COP1: variants seen among roughly 807,000 people sequenced by gnomAD.
COP1 encodes the protein COP1 E3 ubiquitin ligase.
COP1 carries 24 observed loss-of-function variants against 101.3 expected under a neutral mutation model. The observed-to-expected ratio is 0.24, with a 90% CI of 0.17 to 0.33. The LOEUF is 0.33. Among genes scored for constraint, COP1 ranks in the 10% least tolerant of loss-of-function variants. COP1 has a pLI of 1.00. For synonymous variants in COP1, 347 were observed against 341.9 expected (o/e 1.01, Z -0.17); for missense variants, 663 against 906.2 (o/e 0.73, Z 3.45).
At chr1:176,007,945 C>T (rs567814059) in intron 15 of COP1, among the ~76,000 whole-genome samples, 2 of 152,190 alleles carry the variant, frequency 1.3e-5, no homozygotes, top group South Asian at 4.1e-4. Flanking sequence ...CCCCCAGCCT[C>T]GCTGCCGCCT....
chr1:176,165,395 T>TGGGG (rs1553302025), intron 3 of COP1, among the ~76,000 whole-genome samples: 1 of 142,612 alleles, frequency 7.0e-6, no homozygotes, highest in Admixed American at 7.0e-5. Context: ...TGTGTGTGTG[T>TGGGG]GTGTGTGTGT....
At chr1:175,965,649 T>C (rs4361950) in intron 18 of COP1, among the ~76,000 whole-genome samples, 149,796 of 152,064 alleles carry the variant, frequency 0.99, 73,831 homozygotes, top group East Asian at 1. Flanking sequence ...ACTGCAGTGG[T>C]GCAGTCTCGG....
At chr1:176,012,206 T>C (rs774996260) in intron 15 of COP1, among the ~76,000 whole-genome samples, 1 of 152,192 alleles carries the variant, frequency 6.6e-6, no homozygotes, top group Non-Finnish European at 1.5e-5. Context: ...CAATAATGGC[T>C]CACTGCAGCC....
chr1:176,206,837 C>G lies in COP1; in HGVS notation c.142G>C (p.Val48Leu). 1.4e-6 allele frequency: 2 copies of G among 1,423,382 alleles called. No homozygotes were observed. Among genetic ancestry groups the G allele is most frequent in the South Asian group, 2.9e-5 (2 of 70,114 alleles). 88.2% of individuals were successfully genotyped at this position (1,423,382 alleles called of 1,614,324 possible). The part of the protein sequence containing the change: ...PSVAVSAAAL[V>L]SGGVAQAAGS... Reference sequence around the variant, plus strand: ...GCGGCCTGGGCCACCCCGCCGGACACCAGCGCTGCCGCCGAAACCGCCACG... The same window carrying G: ...GCGGCCTGGGCCACCCCGCCGGACAGCAGCGCTGCCGCCGAAACCGCCACG... Residue 48 changes from valine (V) to leucine (L), a missense_variant, in exon 1 of 20, where the codon GTG (valine) becomes CTG (leucine). Transcript: ENST00000367669.
In COP1 at chr1:175,944,952, T is replaced by C; in HGVS notation, c.*201A>G. 1 of 548,206 alleles carries C rather than the reference T, an allele frequency of 1.8e-6. No individual in the cohort carries two copies. The highest frequency in any genetic ancestry group is 3.2e-6 in the Non-Finnish European group (1 of 311,824). The allele number at this position is 548,206 out of a possible 1,614,324, so 34.0% of individuals were successfully genotyped here. On this transcript the variant is annotated 3_prime_UTR_variant, in exon 20 of 20. Coordinates refer to ENST00000367669, the MANE Select transcript of COP1 (RefSeq NM_022457.7). ...AATGTCCATGGAGTTACATTGATGG[T>C]GGAGAGTTGGCTGGGTATTCCCAAT...
At chr1:176,186,861 T>C (rs945187178) in intron 1 of COP1, among the ~76,000 whole-genome samples, 7 of 152,188 alleles carry the variant, frequency 4.6e-5, no homozygotes, top group Non-Finnish European at 1.0e-4. Context: ...GGTTTGCTGA[T>C]AGATGTTGGG....
chr1:176,193,873 A>G (rs1215998862), intron 1 of COP1, among the ~76,000 whole-genome samples: 1 of 152,210 alleles, frequency 6.6e-6, no homozygotes, highest in South Asian at 2.1e-4. Context: ...GACAGTGGTG[A>G]TGGTTGTGAA....
At chr1:176,038,676 C>A (rs563568939) in intron 14 of COP1, among the ~76,000 whole-genome samples, 20 of 151,968 alleles carry the variant, frequency 1.3e-4, no homozygotes, top group African/African-American at 3.9e-4. Context: ...AAATCAGCCA[C>A]GTGTGGTGGC....
At chr1:175,982,088 T>C (rs577765347) in intron 18 of COP1, among the ~76,000 whole-genome samples, 1 of 152,246 alleles carries the variant, frequency 6.6e-6, no homozygotes, top group South Asian at 2.1e-4. Flanking sequence ...TGTAAATCAG[T>C]ACAGCTTTTA....
chr1:176,133,186 ACGTACGTATATG>A (rs1689202059), intron 8 of COP1, among the ~76,000 whole-genome samples: 1 of 130,762 alleles, frequency 7.6e-6, no homozygotes, highest in Non-Finnish European at 1.8e-5. Context: ...ATACGTATAT[ACGTACGTATATG>A]TACGTATGTA....
chr1:176,010,447 T>C (rs1219462314), intron 15 of COP1, among the ~76,000 whole-genome samples: 2 of 152,244 alleles, frequency 1.3e-5, no homozygotes, highest in African/African-American at 4.8e-5. Flanking sequence ...TGGCCTATTA[T>C]ATAAAACAAT....
At chr1:176,069,229 C>T (rs1676557310) in intron 11 of COP1, among the ~76,000 whole-genome samples, 1 of 151,896 alleles carries the variant, frequency 6.6e-6, no homozygotes, top group Non-Finnish European at 1.5e-5. Context: ...ATATGTAATA[C>T]AGTAATACGT....
chr1:175,965,567 G>T (rs949834736), intron 18 of COP1, among the ~76,000 whole-genome samples: 3 of 118,870 alleles, frequency 2.5e-5, no homozygotes, highest in Non-Finnish European at 3.5e-5. Context: ...ACTTATCTGG[G>T]TTTTTTTTTT....
intron 5 of COP1, among the ~76,000 whole-genome samples, chr1:176,161,878 C>T (rs1694381318): frequency 6.6e-6 from 1 of 152,172 alleles, no homozygotes; most frequent in Non-Finnish European, 1.5e-5. Context: ...AGATCCCCAC[C>T]ACAGTCAGTG....
intron 1 of COP1, among the ~76,000 whole-genome samples, chr1:176,205,329 T>C (rs563484194): frequency 1.1e-4 from 16 of 152,322 alleles, no homozygotes; most frequent in African/African-American, 3.8e-4. Context: ...AAAAACAGAT[T>C]AATTCTGATA....
At chr1:176,119,582 T>G (rs1025987058) in intron 8 of COP1, among the ~76,000 whole-genome samples, 1 of 152,032 alleles carries the variant, frequency 6.6e-6, no homozygotes, top group Admixed American at 6.6e-5. Context: ...CAGGCTACAA[T>G]AGAAAAATTT....
Position 176,206,811 on chromosome 1 carries a change from G to A in COP1, c.168C>T (p.Ala56=), listed in dbSNP as rs1700911985. Residue 56 remains alanine, a synonymous_variant, in exon 1 of 20, where the codon GCC becomes GCT. Transcript: ENST00000367669. ...ALVSGGVAQA[A]GSGGLGGPVR... The stretch of plus-strand genomic sequence containing the variant: ...CCGGGCCCCCGAGGCCGCCCGAGCC[G>A]GCGGCCTGGGCCACCCCGCCGGACA... 4 of 1,381,058 alleles carry A rather than the reference G, an allele frequency of 2.9e-6. No homozygotes were observed. The highest frequency in any genetic ancestry group is 3.7e-6 in the Non-Finnish European group (4 of 1,078,214). 85.6% of individuals were successfully genotyped at this position (1,381,058 alleles called of 1,614,324 possible). A position where few individuals can be genotyped will look rare whatever the true frequency, so the allele number is the denominator to read the frequency against.
chr1:176,126,886 A>G (rs2149675936), intron 8 of COP1, among the ~76,000 whole-genome samples: 1 of 152,306 alleles, frequency 6.6e-6, no homozygotes, highest in South Asian at 2.1e-4. Context: ...ATTAATCATA[A>G]TTACTACAGT....
At chr1:176,009,212 C>G (rs1452140396) in intron 15 of COP1, among the ~76,000 whole-genome samples, 1 of 152,186 alleles carries the variant, frequency 6.6e-6, no homozygotes, top group Admixed American at 6.5e-5. Flanking sequence ...GAGTCTGACA[C>G]AGCTGTGATA....
Sources: gnomAD v4.1 joint callset for allele counts (sites outside exome capture counted in the v4.1 genomes callset) on GRCh38, gnomAD v4.1.1 for gene constraint, MANE v1.5 for transcripts, NCBI Gene and HGNC (gene_info 2026-07-23, HGNC 2026-07-21) for gene names.